Variants in CNBD1 observed in about 807,000 individuals in gnomAD.
The protein encoded by CNBD1 is cyclic nucleotide-binding domain-containing protein 1.
Under a neutral mutation model 54.4 loss-of-function variants are expected in CNBD1, and 71 were observed. The observed-to-expected ratio is 1.30, with a 90% CI of 1.08 to 1.59. The LOEUF is 1.59. Ranked by LOEUF, CNBD1 falls within the 40% of genes most tolerant of loss-of-function variation. CNBD1 has a pLI of 0.00. For synonymous variants in CNBD1, 182 were observed against 170.7 expected, an observed-to-expected ratio of 1.07 and a Z score of -0.51; for missense variants, 659 against 518.0, an observed-to-expected ratio of 1.27 and a Z score of -2.64.
intron 10 of CNBD1, among the ~76,000 whole-genome samples, chr8:87,374,029 T>C (rs1810873503): frequency 6.6e-6 from 1 of 151,794 alleles, no homozygotes; most frequent in Non-Finnish European, 1.5e-5. Context: ...TTATAGTATA[T>C]ACATTTCTCT....
intron 4 of CNBD1, among the ~76,000 whole-genome samples, chr8:87,052,283 T>C (rs1418012633): frequency 2.6e-5 from 4 of 152,216 alleles, no homozygotes; most frequent in African/African-American, 9.6e-5. Context: ...TTCCTTCTGA[T>C]ATCAGGGGTT....
At chr8:87,153,957 T>C (rs1337885285) in intron 4 of CNBD1, among the ~76,000 whole-genome samples, 1 of 152,080 alleles carries the variant, frequency 6.6e-6, no homozygotes, top group African/African-American at 2.4e-5. Flanking sequence ...GAGAGACAAG[T>C]AGTGGCACGG....
intron 3 of CNBD1, among the ~76,000 whole-genome samples, chr8:86,906,797 G>A (rs1239124251): frequency 6.6e-6 from 1 of 152,190 alleles, no homozygotes; most frequent in Non-Finnish European, 1.5e-5. Context: ...CCCAGTGGCT[G>A]TCAACATACT....
At chr8:87,116,245 A>G (rs1216764854) in intron 4 of CNBD1, among the ~76,000 whole-genome samples, 3 of 118,432 alleles carry the variant, frequency 2.5e-5, no homozygotes, top group Non-Finnish European at 4.8e-5. Flanking sequence ...TTCGTCACCT[A>G]GGCTGGAGTA....
chr8:87,363,008 C>T (rs189342441), intron 10 of CNBD1, among the ~76,000 whole-genome samples: 3 of 151,922 alleles, frequency 2.0e-5, no homozygotes, highest in Non-Finnish European at 2.9e-5. Flanking sequence ...TCCTCTAGTA[C>T]GCCCCACCCA....
intron 2 of CNBD1, among the ~76,000 whole-genome samples, chr8:87,415,580 C>T (rs1463964697): frequency 6.6e-6 from 1 of 151,978 alleles, no homozygotes; most frequent in Non-Finnish European, 1.5e-5. Context: ...TGTTGAATGA[C>T]TAGTTGTTGC....
intron 4 of CNBD1, among the ~76,000 whole-genome samples, chr8:87,199,223 C>G (rs1746677095): frequency 6.6e-6 from 1 of 152,068 alleles, no homozygotes; most frequent in Non-Finnish European, 1.5e-5. Flanking sequence ...TCAACACGTA[C>G]AGAATGAGAG....
intron 8 of CNBD1, among the ~76,000 whole-genome samples, chr8:87,341,974 A>C (rs1347309085): frequency 1.3e-5 from 2 of 152,130 alleles, no homozygotes; most frequent in African/African-American, 4.8e-5. Context: ...TGGGTTTCTT[A>C]CAAACAAAAC....
At chr8:87,338,319 C>T (rs1227969027) in intron 8 of CNBD1, among the ~76,000 whole-genome samples, 1 of 151,974 alleles carries the variant, frequency 6.6e-6, no homozygotes, top group Admixed American at 6.6e-5. Context: ...TATCATTTTC[C>T]TTTTCTCTAA....
intron 8 of CNBD1, among the ~76,000 whole-genome samples, chr8:87,329,754 G>T (rs946502547): frequency 3.3e-5 from 5 of 151,698 alleles, no homozygotes; most frequent in African/African-American, 9.7e-5. Context: ...CCTTGTATCC[G>T]CAACCCTTAT....
At chr8:87,305,536 T>C (rs983968995) in intron 8 of CNBD1, among the ~76,000 whole-genome samples, 3 of 152,110 alleles carry the variant, frequency 2.0e-5, no homozygotes, top group Non-Finnish European at 4.4e-5. Context: ...CAAAACAGCA[T>C]GGGATTGGTA....
At chr8:87,037,191 G>C (rs1267758878) in intron 4 of CNBD1, among the ~76,000 whole-genome samples, 3 of 152,038 alleles carry the variant, frequency 2.0e-5, no homozygotes, top group Non-Finnish European at 4.4e-5. Flanking sequence ...TGCTTTTCTG[G>C]AGTTTGATGC....
At chr8:87,005,209 A>C (rs1470706051) in intron 4 of CNBD1, among the ~76,000 whole-genome samples, 2 of 152,064 alleles carry the variant, frequency 1.3e-5, no homozygotes, top group African/African-American at 4.8e-5. Flanking sequence ...GTCTCTACTA[A>C]AAATATAAAA....
chr8:87,036,668 A>T (rs1809957760), intron 4 of CNBD1, among the ~76,000 whole-genome samples: 1 of 151,252 alleles, frequency 6.6e-6, no homozygotes, highest in East Asian at 1.9e-4. Flanking sequence ...TTCTCATACA[A>T]TTTTTGTTTT....
intron 4 of CNBD1, among the ~76,000 whole-genome samples, chr8:87,155,728 A>G (rs1377595073): frequency 6.6e-6 from 1 of 152,206 alleles, no homozygotes; most frequent in Non-Finnish European, 1.5e-5. Context: ...TCTGCATTCC[A>G]GAGACATTTA....
intron 4 of CNBD1, among the ~76,000 whole-genome samples, chr8:87,056,075 A>G (rs958195855): frequency 2.0e-5 from 3 of 152,156 alleles, no homozygotes; most frequent in Non-Finnish European, 2.9e-5. Context: ...AAGTCCTACT[A>G]TTATCCCCAC....
intron 3 of CNBD1, among the ~76,000 whole-genome samples, chr8:86,910,718 C>A (rs1157376979): frequency 2.6e-5 from 4 of 152,142 alleles, no homozygotes; most frequent in Non-Finnish European, 1.5e-5. Flanking sequence ...GAGTCATTGT[C>A]TGGGGTAATA....
chr8:87,017,778 T>A (rs1415007541), intron 4 of CNBD1, among the ~76,000 whole-genome samples: 2 of 152,174 alleles, frequency 1.3e-5, no homozygotes, highest in Admixed American at 1.3e-4. Flanking sequence ...TATGTTTTTA[T>A]AGGCAAATTT....
At chr8:87,262,807 G>A (rs779077662) in intron 6 of CNBD1, among the ~76,000 whole-genome samples, 2 of 152,080 alleles carry the variant, frequency 1.3e-5, no homozygotes, top group Non-Finnish European at 2.9e-5. Context: ...ATTGTATTCT[G>A]GTATCTTCCT....
Sources: gnomAD v4.1 joint callset for allele counts (sites outside exome capture counted in the v4.1 genomes callset) on GRCh38, gnomAD v4.1.1 for gene constraint, MANE v1.5 for transcripts, NCBI Gene and HGNC (gene_info 2026-07-23, HGNC 2026-07-21) for gene names.